TTC29: variants seen among roughly 807,000 people sequenced by gnomAD.
TTC29 encodes tetratricopeptide repeat protein 29.
In TTC29, 49 loss-of-function variants were observed where a neutral mutation model predicts 58.1. The ratio of observed to expected loss-of-function variants is 0.84; its 90% confidence interval spans 0.67 to 1.07. The LOEUF is 1.07. Ranked by LOEUF, TTC29 falls within the 50% of genes least tolerant of loss-of-function variation. The probability of loss-of-function intolerance (pLI) is 0.00; values close to 1 mark genes in which losing one functional copy is unlikely to be tolerated. For missense variants in TTC29, 582 were observed against 555.6 expected (o/e 1.05, Z -0.48); for synonymous variants, 209 against 196.8 (o/e 1.06, Z -0.52).
intron 11 of TTC29, among the ~76,000 whole-genome samples, chr4:146,754,731 T>C (rs547245820): frequency 6.6e-6 from 1 of 152,190 alleles, no homozygotes; most frequent in South Asian, 2.1e-4. Context: ...CCTTTCTTGA[T>C]AAAAACTGTC....
chr4:146,758,858 T>C (rs1331231284), intron 11 of TTC29, among the ~76,000 whole-genome samples: 1 of 152,036 alleles, frequency 6.6e-6, no homozygotes, highest in Non-Finnish European at 1.5e-5. Flanking sequence ...AGAGGAAAGT[T>C]CATAGCCCTA....
chr4:146,916,245 GTTGT>G (rs757704301), intron 4 of TTC29, among the ~76,000 whole-genome samples: 15 of 151,582 alleles, frequency 9.9e-5, no homozygotes, highest in Non-Finnish European at 1.8e-4. Flanking sequence ...AATTATATGA[GTTGT>G]TTATGTTTTA....
chr4:146,718,346 G>C (rs904421009), intron 11 of TTC29, among the ~76,000 whole-genome samples: 1 of 152,156 alleles, frequency 6.6e-6, no homozygotes. Context: ...TAGTGCACAA[G>C]GGTTCCCTTT....
At chr4:146,908,101 T>C (rs914878278) in intron 5 of TTC29, among the ~76,000 whole-genome samples, 4 of 152,084 alleles carry the variant, frequency 2.6e-5, no homozygotes, top group Non-Finnish European at 5.9e-5. Context: ...TTTACATGAC[T>C]CCATAAATTT....
chr4:146,909,533 T>C (rs1733756773), intron 4 of TTC29, among the ~76,000 whole-genome samples: 1 of 152,240 alleles, frequency 6.6e-6, no homozygotes, highest in Non-Finnish European at 1.5e-5. Context: ...AATAAGCTAG[T>C]TGACTGATGA....
intron 11 of TTC29, among the ~76,000 whole-genome samples, chr4:146,742,706 C>A (rs1307357846): frequency 7.8e-6 from 1 of 129,002 alleles, no homozygotes; most frequent in African/African-American, 2.9e-5. Flanking sequence ...CCCCTCCCCC[C>A]TTCCCCTTCC....
intron 8 of TTC29, among the ~76,000 whole-genome samples, chr4:146,843,440 C>A (rs1472369619): frequency 6.6e-6 from 1 of 152,108 alleles, no homozygotes; most frequent in East Asian, 1.9e-4. Flanking sequence ...TCCCTGAAAT[C>A]CATGACTCAT....
At chr4:146,894,086 T>C (rs1386883186) in intron 6 of TTC29, among the ~76,000 whole-genome samples, 2 of 152,222 alleles carry the variant, frequency 1.3e-5, no homozygotes, top group Non-Finnish European at 2.9e-5. Context: ...TTGGTGGGAC[T>C]GTAAACTAGT....
intron 11 of TTC29, among the ~76,000 whole-genome samples, chr4:146,769,720 T>C (rs891038474): frequency 3.3e-5 from 5 of 152,066 alleles, no homozygotes; most frequent in African/African-American, 1.2e-4. Flanking sequence ...TGCACAACAG[T>C]GACCCTGAAT....
chr4:146,822,530 G>A (rs149124916), intron 9 of TTC29, among the ~76,000 whole-genome samples: 8,497 of 152,216 alleles, frequency 0.056, 824 homozygotes, highest in African/African-American at 0.19. Flanking sequence ...ATTGTAAATA[G>A]TGCTGCAATA....
chr4:146,755,914 A>G (rs1332090938), intron 11 of TTC29, among the ~76,000 whole-genome samples: 1 of 152,074 alleles, frequency 6.6e-6, no homozygotes, highest in Non-Finnish European at 1.5e-5. Flanking sequence ...ATCTCAACCT[A>G]TTATAGGTTA....
At chr4:146,791,277 A>G (rs909491294) in intron 11 of TTC29, among the ~76,000 whole-genome samples, 4 of 152,198 alleles carry the variant, frequency 2.6e-5, no homozygotes, top group African/African-American at 9.6e-5. Flanking sequence ...CAAGTCTATC[A>G]ACACAATTTT....
At chr4:146,780,368 A>G (rs1032165626) in intron 11 of TTC29, among the ~76,000 whole-genome samples, 59 of 135,816 alleles carry the variant, frequency 4.3e-4, no homozygotes, top group African/African-American at 1.3e-3. Context: ...AAGAATTTTC[A>G]CTCTCTCCAT....
intron 11 of TTC29, among the ~76,000 whole-genome samples, chr4:146,753,298 A>G (rs1746165372): frequency 6.6e-6 from 1 of 152,230 alleles, no homozygotes; most frequent in Admixed American, 6.5e-5. Flanking sequence ...AACACATGAA[A>G]AAATGCTCAT....
intron 11 of TTC29, among the ~76,000 whole-genome samples, chr4:146,772,500 A>T (rs1376014926): frequency 1.3e-5 from 2 of 151,964 alleles, no homozygotes; most frequent in African/African-American, 4.8e-5. Flanking sequence ...TTCTGTCCAC[A>T]TTGCTTGTTT....
chr4:146,845,843 CACT>C (rs1729133319), intron 8 of TTC29, among the ~76,000 whole-genome samples: 1 of 151,550 alleles, frequency 6.6e-6, no homozygotes, highest in South Asian at 2.1e-4. Flanking sequence ...ACACACACAC[CACT>C]TCTTTGTGCT....
At chr4:146,754,645 C>T (rs550738122) in intron 11 of TTC29, among the ~76,000 whole-genome samples, 2 of 152,234 alleles carry the variant, frequency 1.3e-5, no homozygotes, top group African/African-American at 4.8e-5. Context: ...TGATACATCA[C>T]ATTAACAGAA....
At chr4:146,737,961 G>C (rs1036125646) in intron 11 of TTC29, among the ~76,000 whole-genome samples, 1 of 152,154 alleles carries the variant, frequency 6.6e-6, no homozygotes, top group Non-Finnish European at 1.5e-5. Flanking sequence ...CGTTCCTAAG[G>C]ACTGGATGGG....
chr4:146,848,112 C>G (rs1288506752), intron 8 of TTC29, among the ~76,000 whole-genome samples: 1 of 152,166 alleles, frequency 6.6e-6, no homozygotes, highest in Non-Finnish European at 1.5e-5. Flanking sequence ...TGGAACTAAC[C>G]TGAAATAGAT....
Sources: allele counts gnomAD v4.1 joint callset (sites outside exome capture counted in the v4.1 genomes callset), GRCh38; gene constraint gnomAD v4.1.1; transcripts MANE v1.5; gene names NCBI Gene and HGNC (gene_info 2026-07-23, HGNC 2026-07-21).